SGCD: variants seen among roughly 807,000 people sequenced by gnomAD.
SGCD encodes delta-sarcoglycan.
SGCD carries 18 observed loss-of-function variants against 36.6 expected under a neutral mutation model. The ratio of observed to expected loss-of-function variants is 0.49; its 90% CI spans 0.34 to 0.73. SGCD has a LOEUF of 0.73. Among genes scored for constraint, SGCD ranks in the 30% least tolerant of loss-of-function variants. The pLI is 0.01. For missense variants in SGCD, 387 were observed against 346.7 expected (o/e 1.12, Z -0.92); for synonymous variants, 133 against 130.6 (o/e 1.02, Z -0.12).
intron 1 of SGCD, among the ~76,000 whole-genome samples, chr5:156,003,665 G>A (rs1023005041): frequency 1.3e-5 from 2 of 152,150 alleles, no homozygotes; most frequent in Non-Finnish European, 2.9e-5. Flanking sequence ...TTGATATAAA[G>A]GTGGTCAAAG....
At chr5:156,000,135 A>C (rs891903736) in intron 1 of SGCD, among the ~76,000 whole-genome samples, 1 of 152,162 alleles carries the variant, frequency 6.6e-6, no homozygotes, top group Non-Finnish European at 1.5e-5. Flanking sequence ...TTGTGAGTCC[A>C]TGTGTGAATA....
the SGCD span, among the ~76,000 whole-genome samples, chr5:155,838,361 A>C: frequency 6.6e-6 from 1 of 152,172 alleles, no homozygotes. Flanking sequence ...AGTTCCTTTT[A>C]GTCTATAATT....
chr5:156,365,144 C>A (rs768422556), intron 3 of SGCD, among the ~76,000 whole-genome samples: 1 of 152,200 alleles, frequency 6.6e-6, no homozygotes, highest in Non-Finnish European at 1.5e-5. Context: ...AAATGGTCAT[C>A]AAGCACATAC....
intron 3 of SGCD, among the ~76,000 whole-genome samples, chr5:156,229,648 G>A (rs1264063407): frequency 6.6e-6 from 1 of 151,928 alleles, no homozygotes; most frequent in Non-Finnish European, 1.5e-5. Context: ...GTGCCTAGGC[G>A]ATGATATTTT....
the SGCD span, among the ~76,000 whole-genome samples, chr5:155,826,112 A>G: frequency 6.6e-6 from 1 of 152,208 alleles, no homozygotes; most frequent in Non-Finnish European, 1.5e-5. Context: ...TTGCTGGTGT[A>G]AAGTGCAAAC....
At chr5:156,055,200 T>C (rs1458219722) in intron 1 of SGCD, among the ~76,000 whole-genome samples, 1 of 146,250 alleles carries the variant, frequency 6.8e-6, no homozygotes, top group Non-Finnish European at 1.5e-5. Flanking sequence ...TCCTTTTTTT[T>C]CTTTCTTTCT....
chr5:156,447,631 AAC>A (rs1419451691), intron 3 of SGCD, among the ~76,000 whole-genome samples: 4 of 152,178 alleles, frequency 2.6e-5, no homozygotes, highest in African/African-American at 7.2e-5. Flanking sequence ...GGAGGGGAAA[AAC>A]ACACACTGGG....
intron 1 of SGCD, among the ~76,000 whole-genome samples, chr5:155,981,501 T>C (rs549853118): frequency 6.6e-6 from 1 of 152,334 alleles, no homozygotes; most frequent in East Asian, 1.9e-4. Context: ...CATTACTCCT[T>C]ATCACACAAA....
At chr5:155,731,178 G>C in the SGCD span, among the ~76,000 whole-genome samples, 1 of 152,064 alleles carries the variant, frequency 6.6e-6, no homozygotes, top group Non-Finnish European at 1.5e-5. Flanking sequence ...GAGACACACA[G>C]AGATAGAAAG....
chr5:156,225,289 A>T lies in SGCD; in HGVS notation c.-44+101270A>T, dbSNP rs149429505. Reference sequence around the variant, plus strand: ...AAATGTAGCTATCAAGCTACCTTGAAATATTAGATTTTTAATAAACATAAC... The same window carrying T: ...AAATGTAGCTATCAAGCTACCTTGATATATTAGATTTTTAATAAACATAAC... On this transcript the variant is annotated intron_variant, in intron 3 of 9. Coordinates refer to the SGCD transcript ENST00000517913. 3.3e-3 allele frequency among the ~76,000 whole-genome samples: 495 copies of T among 152,276 alleles called. 11 individuals carry two copies. In the South Asian group the frequency reaches 0.038, roughly 12 times the overall value.
chr5:156,000,255 C>T (rs1758637281), intron 1 of SGCD, among the ~76,000 whole-genome samples: 1 of 152,114 alleles, frequency 6.6e-6, no homozygotes, highest in Non-Finnish European at 1.5e-5. Context: ...CACAGTTAAA[C>T]CTCCAGAGAA....
chr5:155,982,959 G>A (rs897605987), intron 1 of SGCD, among the ~76,000 whole-genome samples: 2 of 152,198 alleles, frequency 1.3e-5, no homozygotes, highest in African/African-American at 4.8e-5. Context: ...AATAGCTAGG[G>A]ATTTTCTATA....
chr5:156,043,151 A>G (rs1408568432), intron 1 of SGCD, among the ~76,000 whole-genome samples: 1 of 152,174 alleles, frequency 6.6e-6, no homozygotes, highest in Admixed American at 6.5e-5. Context: ...TTTCATGACC[A>G]GTTTTTGCTG....
intron 3 of SGCD, among the ~76,000 whole-genome samples, chr5:156,276,369 A>T (rs959788878): frequency 2.0e-5 from 3 of 152,146 alleles, no homozygotes; most frequent in Non-Finnish European, 2.9e-5. Context: ...GAATTTCAAA[A>T]CCTCGACCAA....
chr5:156,019,500 G>A (rs1474652386), intron 1 of SGCD, among the ~76,000 whole-genome samples: 1 of 152,080 alleles, frequency 6.6e-6, no homozygotes, highest in African/African-American at 2.4e-5. Flanking sequence ...TTGAAAAATG[G>A]TTATCTGCTG....
At chr5:156,397,220 T>G (rs928771986) in intron 3 of SGCD, among the ~76,000 whole-genome samples, 1 of 152,064 alleles carries the variant, frequency 6.6e-6, no homozygotes, top group African/African-American at 2.4e-5. Context: ...AAAGAAAACT[T>G]TTTTTTTCTA....
chr5:155,729,400 G>T, the SGCD span, among the ~76,000 whole-genome samples: 1 of 152,266 alleles, frequency 6.6e-6, no homozygotes, highest in Non-Finnish European at 1.5e-5. Flanking sequence ...AAGACTGTTG[G>T]TATATTAAAG....
At chr5:156,231,909 G>A (rs1444600649) in intron 3 of SGCD, among the ~76,000 whole-genome samples, 1 of 152,158 alleles carries the variant, frequency 6.6e-6, no homozygotes, top group East Asian at 1.9e-4. Flanking sequence ...CCTTGGTTGT[G>A]TCTGATGTAT....
At chr5:155,891,556 C>CTTTTTTTTTTTTTTT (rs1561640647) in intron 1 of SGCD, among the ~76,000 whole-genome samples, 3 of 16,562 alleles carry the variant, frequency 1.8e-4, no homozygotes, top group African/African-American at 8.1e-4. Context: ...AAAATAAATA[C>CTTTTTTTTTTTTTTT]TCTTTTTTTT....
Sources: allele counts gnomAD v4.1 joint callset (sites outside exome capture counted in the v4.1 genomes callset), GRCh38; gene constraint gnomAD v4.1.1; transcripts MANE v1.5; gene names NCBI Gene and HGNC (gene_info 2026-07-23, HGNC 2026-07-21).